Variants in PPP2R2B observed in about 807,000 individuals in gnomAD.
PPP2R2B encodes serine/threonine-protein phosphatase 2A 55 kDa regulatory subunit B beta isoform.
PPP2R2B carries 5 observed loss-of-function variants against 46.0 expected under a neutral mutation model. That is an observed-to-expected ratio of 0.11 (90% CI 0.06 to 0.23). PPP2R2B has a LOEUF of 0.23. Among genes scored for constraint, PPP2R2B ranks in the 10% least tolerant of loss-of-function variants. PPP2R2B has a pLI of 1.00. For synonymous variants in PPP2R2B, 215 were observed against 206.7 expected (o/e 1.04, Z -0.34); for missense variants, 367 against 575.0 (o/e 0.64, Z 3.70).
At chr5:146,655,912 G>A (rs1308038731) in intron 5 of PPP2R2B, among the ~76,000 whole-genome samples, 1 of 151,480 alleles carries the variant, frequency 6.6e-6, no homozygotes, top group East Asian at 2.0e-4. Flanking sequence ...GTGGGGGGTA[G>A]GGAGGGGAGG....
intron 1 of PPP2R2B, among the ~76,000 whole-genome samples, chr5:146,912,770 G>A (rs1409912586): frequency 1.3e-5 from 2 of 152,084 alleles, no homozygotes; most frequent in South Asian, 2.1e-4. Context: ...GCCTCCCAAA[G>A]TGCTGGGATT....
chr5:146,794,679 G>C (rs1186857292), intron 2 of PPP2R2B, among the ~76,000 whole-genome samples: 1 of 152,100 alleles, frequency 6.6e-6, no homozygotes, highest in African/African-American at 2.4e-5. Context: ...AAAGGTAACT[G>C]CACAAATGAT....
At chr5:146,867,378 C>T (rs912262323) in intron 2 of PPP2R2B, among the ~76,000 whole-genome samples, 2 of 152,096 alleles carry the variant, frequency 1.3e-5, no homozygotes, top group Non-Finnish European at 2.9e-5. Flanking sequence ...CTTCATCGGG[C>T]CTTTCATTGA....
intron 2 of PPP2R2B, among the ~76,000 whole-genome samples, chr5:146,864,585 A>T (rs1307215497): frequency 6.6e-6 from 1 of 152,088 alleles, no homozygotes; most frequent in Non-Finnish European, 1.5e-5. Flanking sequence ...ACTCATCTAC[A>T]AATGATGCCC....
intron 1 of PPP2R2B, among the ~76,000 whole-genome samples, chr5:147,042,352 G>A (rs962213387): frequency 6.6e-6 from 1 of 152,090 alleles, no homozygotes; most frequent in Non-Finnish European, 1.5e-5. Context: ...GTTTCCAAGT[G>A]TGGCGTTTTC....
At chr5:146,934,583 GAAAAAAAAAAAAAAAA>G (rs3062352) in intron 1 of PPP2R2B, among the ~76,000 whole-genome samples, 5 of 31,492 alleles carry the variant, frequency 1.6e-4, no homozygotes, top group South Asian at 1.4e-3. Context: ...TTTTTCATAA[GAAAAAAAAAAAAAAAA>G]AAAAAAAAAA....
At chr5:146,950,223 A>G (rs1023901003) in intron 1 of PPP2R2B, among the ~76,000 whole-genome samples, 2 of 152,074 alleles carry the variant, frequency 1.3e-5, no homozygotes, top group African/African-American at 2.4e-5. Flanking sequence ...AAAATATCTC[A>G]TGTACCTCAT....
At chr5:146,772,921 C>G (rs1287577727) in intron 2 of PPP2R2B, among the ~76,000 whole-genome samples, 1 of 152,188 alleles carries the variant, frequency 6.6e-6, no homozygotes, top group Admixed American at 6.5e-5. Flanking sequence ...TTGTCTAGCT[C>G]TTTTGTTACT....
intron 2 of PPP2R2B, among the ~76,000 whole-genome samples, chr5:147,075,879 C>A (rs1757750136): frequency 6.6e-6 from 1 of 152,038 alleles, no homozygotes; most frequent in African/African-American, 2.4e-5. Context: ...GAATGTGTCC[C>A]AGGGATATAA....
intron 2 of PPP2R2B, among the ~76,000 whole-genome samples, chr5:146,749,521 T>C (rs1437719041): frequency 2.6e-5 from 4 of 152,154 alleles, no homozygotes; most frequent in Non-Finnish European, 5.9e-5. Flanking sequence ...AAGAACTCTT[T>C]GCTTAGCCTT....
intron 1 of PPP2R2B, among the ~76,000 whole-genome samples, chr5:147,042,065 T>G (rs1756336878): frequency 6.6e-6 from 1 of 152,110 alleles, no homozygotes; most frequent in Non-Finnish European, 1.5e-5. Context: ...ATATCCGCAG[T>G]TCCCAGGAAT....
intron 2 of PPP2R2B, among the ~76,000 whole-genome samples, chr5:146,730,566 G>T (rs1008858907): frequency 1.3e-5 from 2 of 152,170 alleles, no homozygotes; most frequent in Non-Finnish European, 2.9e-5. Context: ...GAGGGACCCA[G>T]GCAGAGGTAA....
intron 2 of PPP2R2B, among the ~76,000 whole-genome samples, chr5:146,724,398 A>G (rs1561859337): frequency 6.6e-6 from 1 of 152,126 alleles, no homozygotes; most frequent in Non-Finnish European, 1.5e-5. Flanking sequence ...TTGCTAAATA[A>G]TACACAATTC....
chr5:146,765,588 C>T (rs763830674), intron 2 of PPP2R2B, among the ~76,000 whole-genome samples: 2 of 152,144 alleles, frequency 1.3e-5, no homozygotes, highest in African/African-American at 2.4e-5. Flanking sequence ...TTAAACTGTG[C>T]GCAATGTGAA....
chr5:146,645,470 G>T (rs1160978330), intron 6 of PPP2R2B, among the ~76,000 whole-genome samples: 1 of 152,178 alleles, frequency 6.6e-6, no homozygotes, highest in Non-Finnish European at 1.5e-5. Flanking sequence ...TATGTATTGG[G>T]CAGGGTGAAA....
chr5:146,761,671 G>T (rs1377572499), intron 2 of PPP2R2B, among the ~76,000 whole-genome samples: 1 of 152,018 alleles, frequency 6.6e-6, no homozygotes, highest in Non-Finnish European at 1.5e-5. Context: ...TAACTGTCTG[G>T]ATTTTGTAGT....
intron 1 of PPP2R2B, among the ~76,000 whole-genome samples, chr5:146,925,324 G>T (rs1763747182): frequency 6.6e-6 from 1 of 152,040 alleles, no homozygotes; most frequent in African/African-American, 2.4e-5. Flanking sequence ...TTTAAAACAG[G>T]GCTGCTAGCA....
At chr5:146,709,608 C>T (rs954664939) in intron 2 of PPP2R2B, among the ~76,000 whole-genome samples, 8 of 152,156 alleles carry the variant, frequency 5.3e-5, no homozygotes, top group Admixed American at 2.6e-4. Flanking sequence ...GCCTTCTGAC[C>T]GGACTCTTCA....
At chr5:146,961,581 G>A (rs988101118) in intron 1 of PPP2R2B, among the ~76,000 whole-genome samples, 2 of 152,038 alleles carry the variant, frequency 1.3e-5, no homozygotes, top group East Asian at 1.9e-4. Context: ...ATAACTATCA[G>A]GTGTGTATTC....
Sources: gnomAD v4.1 joint callset for allele counts (sites outside exome capture counted in the v4.1 genomes callset) on GRCh38, gnomAD v4.1.1 for gene constraint, MANE v1.5 for transcripts, NCBI Gene and HGNC (gene_info 2026-07-23, HGNC 2026-07-21) for gene names.